The following SLC14A2 variants were observed in gnomAD, a reference collection of about 807,000 sequenced individuals.
SLC14A2 encodes urea transporter 2.
SLC14A2 carries 91 observed loss-of-function variants against 104.6 expected under a neutral mutation model. The ratio of observed to expected loss-of-function variants is 0.87; its 90% CI spans 0.73 to 1.04. SLC14A2 has a LOEUF of 1.04. Ranked by LOEUF, SLC14A2 falls within the 50% of genes least tolerant of loss-of-function variation. The probability of loss-of-function intolerance (pLI) is 0.00; values close to 1 mark genes in which losing one functional copy is unlikely to be tolerated. For synonymous variants in SLC14A2, 476 were observed against 466.4 expected, an observed-to-expected ratio of 1.02 and a Z score of -0.27; for missense variants, 1,189 against 1,156.0, an observed-to-expected ratio of 1.03 and a Z score of -0.41.
intron 1 of SLC14A2, among the ~76,000 whole-genome samples, chr18:45,474,798 A>G (rs1368731559): frequency 3.3e-5 from 5 of 151,934 alleles, no homozygotes; most frequent in Non-Finnish European, 7.4e-5. Flanking sequence ...CTAGCAGTCT[A>G]TCTATTTTGT....
chr18:45,515,883 G>A (rs904173154), intron 2 of SLC14A2, among the ~76,000 whole-genome samples: 2 of 152,232 alleles, frequency 1.3e-5, no homozygotes, highest in African/African-American at 4.8e-5. Flanking sequence ...TTGCATGCCT[G>A]CATGCCCTCC....
In SLC14A2 at chr18:45,495,535, G is replaced by T. The variant is rs547317892; in HGVS notation, c.-35+12213G>T. ...GCCTTGAGGACAGATCAGAGGAGTGGTGATTAAATCCAAGACTGAGTCTTG... is the reference window on the plus strand; with the variant it reads ...GCCTTGAGGACAGATCAGAGGAGTGTTGATTAAATCCAAGACTGAGTCTTG... On this transcript the variant is annotated intron_variant, in intron 2 of 20. Coordinates refer to the SLC14A2 transcript ENST00000586448. Among the ~76,000 whole-genome samples the T allele has an allele frequency of 2.0e-5, 3 of 152,296 alleles. No individual in the cohort carries two copies. In the East Asian group the frequency reaches 5.8e-4, roughly 29 times the overall value.
chr18:45,612,652 G>T (rs951350432), upstream of SLC14A2, among the ~76,000 whole-genome samples: 1 of 152,188 alleles, frequency 6.6e-6, no homozygotes, highest in Non-Finnish European at 1.5e-5. Flanking sequence ...GAGAGGTTGT[G>T]GGGCTTCCCC....
chr18:45,506,118 C>T (rs2043280563), intron 2 of SLC14A2, among the ~76,000 whole-genome samples: 1 of 152,184 alleles, frequency 6.6e-6, no homozygotes, highest in African/African-American at 2.4e-5. Flanking sequence ...TGCAGGGGGA[C>T]CTTGAAGGTG....
intron 1 of SLC14A2, among the ~76,000 whole-genome samples, chr18:45,394,586 G>A (rs1174766633): frequency 6.6e-6 from 1 of 152,022 alleles, no homozygotes; most frequent in Admixed American, 6.6e-5. Context: ...TTTGATTTGC[G>A]TTTCCCTGAT....
chr18:45,479,770 C>T (rs1245606699), intron 1 of SLC14A2, among the ~76,000 whole-genome samples: 2 of 152,184 alleles, frequency 1.3e-5, no homozygotes, highest in East Asian at 3.8e-4. Flanking sequence ...CATAATGATG[C>T]TGTTCTCCCC....
chr18:45,497,946 G>T (rs1320242452), intron 2 of SLC14A2, among the ~76,000 whole-genome samples: 1 of 152,192 alleles, frequency 6.6e-6, no homozygotes. Context: ...TGCAGGAGGA[G>T]AGCAAGGGGA....
chr18:45,301,189 T>C (rs2084965246), intron 1 of SLC14A2, among the ~76,000 whole-genome samples: 1 of 152,176 alleles, frequency 6.6e-6, no homozygotes, highest in African/African-American at 2.4e-5. Flanking sequence ...ACTTTAGAGA[T>C]CAGGAAATTG....
chr18:45,253,108 G>A (rs1215594007), intron 1 of SLC14A2, among the ~76,000 whole-genome samples: 1 of 152,132 alleles, frequency 6.6e-6, no homozygotes, highest in Non-Finnish European at 1.5e-5. Context: ...TCACCCAGAG[G>A]ATATGTTAAA....
the SLC14A2 span, among the ~76,000 whole-genome samples, chr18:45,188,516 T>C: frequency 4.6e-5 from 7 of 152,214 alleles, no homozygotes; most frequent in African/African-American, 1.7e-4. Context: ...CCCTTATCTC[T>C]GTATTCCAGC....
intron 1 of SLC14A2, among the ~76,000 whole-genome samples, chr18:45,380,852 T>C (rs2085827245): frequency 6.6e-6 from 1 of 152,362 alleles, no homozygotes; most frequent in Non-Finnish European, 1.5e-5. Flanking sequence ...CTTGTTGACC[T>C]TGAATCTCAG....
chr18:45,336,420 G>T (rs1052633881), intron 1 of SLC14A2, among the ~76,000 whole-genome samples: 4 of 151,952 alleles, frequency 2.6e-5, no homozygotes, highest in Non-Finnish European at 5.9e-5. Flanking sequence ...TGGGCAGGAG[G>T]CTGGGCCAGG....
At chr18:45,411,966 C>A (rs1038416176) in intron 1 of SLC14A2, among the ~76,000 whole-genome samples, 5 of 152,150 alleles carry the variant, frequency 3.3e-5, no homozygotes, top group Non-Finnish European at 7.4e-5. Context: ...CACATGCACT[C>A]CCAACCAAGA....
chr18:45,176,918 C>T, the SLC14A2 span, among the ~76,000 whole-genome samples: 11 of 152,320 alleles, frequency 7.2e-5, no homozygotes, highest in Admixed American at 7.2e-4. Context: ...ATTTTGAGCT[C>T]CAGATCAGTA....
intron 2 of SLC14A2, among the ~76,000 whole-genome samples, chr18:45,520,745 T>A (rs1486662941): frequency 6.6e-6 from 1 of 152,110 alleles, no homozygotes; most frequent in East Asian, 1.9e-4. Context: ...CCTAGGGCAG[T>A]TACCTCAACC....
intron 1 of SLC14A2, among the ~76,000 whole-genome samples, chr18:45,338,943 T>C (rs2085365467): frequency 6.6e-6 from 1 of 151,764 alleles, no homozygotes; most frequent in Non-Finnish European, 1.5e-5. Context: ...TTATACCTTT[T>C]TTTTTTTTCT....
chr18:45,182,613 T>C, the SLC14A2 span, among the ~76,000 whole-genome samples: 4 of 151,918 alleles, frequency 2.6e-5, no homozygotes. Flanking sequence ...TCAGAAGCTT[T>C]CCTATGTTTC....
At chr18:45,402,932 TC>T (rs5824580) in intron 1 of SLC14A2, among the ~76,000 whole-genome samples, 28 of 152,328 alleles carry the variant, frequency 1.8e-4, no homozygotes, top group Admixed American at 6.5e-4. Context: ...TACCTCAACT[TC>T]CAGTTGTTAA....
chr18:45,212,133 T>A (rs1257706790), upstream of SLC14A2, among the ~76,000 whole-genome samples: 1 of 152,242 alleles, frequency 6.6e-6, no homozygotes, highest in African/African-American at 2.4e-5. Context: ...TGGAATGCCA[T>A]ATTTATTCAA....
Sources: gnomAD v4.1 joint callset for allele counts (sites outside exome capture counted in the v4.1 genomes callset) on GRCh38, gnomAD v4.1.1 for gene constraint, MANE v1.5 for transcripts, NCBI Gene and HGNC (gene_info 2026-07-23, HGNC 2026-07-21) for gene names.